Variants in LY96 observed in about 807,000 individuals in gnomAD.
The protein encoded by LY96 is lymphocyte antigen 96.
A neutral mutation model predicts 18.9 loss-of-function variants in LY96; 18 were observed. The observed-to-expected ratio is 0.95, with a 90% CI of 0.66 to 1.41. The LOEUF is 1.41. Among genes scored for constraint, LY96 ranks in the 40% most tolerant of loss-of-function variants. The pLI, the probability that LY96 is intolerant of heterozygous loss-of-function variation, is 0.00. For missense variants in LY96, 175 were observed against 182.4 expected (o/e 0.96, Z 0.23); for synonymous variants, 66 against 62.6 (o/e 1.06, Z -0.26).
chr8:74,002,573 C>CTT (rs750666985), intron 1 of LY96, among the ~76,000 whole-genome samples: 5 of 131,420 alleles, frequency 3.8e-5, no homozygotes, highest in Non-Finnish European at 6.6e-5. Flanking sequence ...TTATTTATTT[C>CTT]TTTTTTTTTT....
the LY96 span, among the ~76,000 whole-genome samples, chr8:74,037,679 T>C: frequency 6.6e-6 from 1 of 152,076 alleles, no homozygotes; most frequent in East Asian, 1.9e-4. Context: ...AAATAATAAC[T>C]CAAATTGCAG....
At chr8:74,085,231 G>A in the LY96 span, among the ~76,000 whole-genome samples, 1 of 152,178 alleles carries the variant, frequency 6.6e-6, no homozygotes, top group Non-Finnish European at 1.5e-5. Context: ...CAAAGCTCAG[G>A]TTGTTTCAAT....
At chr8:74,040,521 G>A in the LY96 span, among the ~76,000 whole-genome samples, 1 of 152,148 alleles carries the variant, frequency 6.6e-6, no homozygotes, top group African/African-American at 2.4e-5. Flanking sequence ...CATAATGAGA[G>A]ATAGAGGTCT....
chr8:74,007,223 C>G (rs924723495), intron 2 of LY96, among the ~76,000 whole-genome samples: 3 of 152,186 alleles, frequency 2.0e-5, no homozygotes, highest in African/African-American at 7.2e-5. Flanking sequence ...AGGGTGGCCT[C>G]TGGCTGAGTG....
the LY96 span, among the ~76,000 whole-genome samples, chr8:74,095,608 C>T: frequency 6.6e-6 from 1 of 152,230 alleles, no homozygotes; most frequent in African/African-American, 2.4e-5. Context: ...GCAGCCGACA[C>T]AGTCGCTCAC....
intron 4 of LY96, among the ~76,000 whole-genome samples, chr8:74,028,160 T>C (rs1018210050): frequency 2.6e-5 from 4 of 152,220 alleles, no homozygotes; most frequent in Admixed American, 2.0e-4. Context: ...CACTCAGTAC[T>C]GAAACAGTTG....
At chr8:74,074,279 C>T in the LY96 span, among the ~76,000 whole-genome samples, 8 of 152,128 alleles carry the variant, frequency 5.3e-5, no homozygotes, top group African/African-American at 1.7e-4. Context: ...GGATTACAGG[C>T]GTGAGCCACT....
the LY96 span, among the ~76,000 whole-genome samples, chr8:74,075,945 G>A: frequency 2.6e-5 from 4 of 152,158 alleles, no homozygotes; most frequent in South Asian, 4.1e-4. Context: ...GGTGCTAGAC[G>A]GAGAAGACCT....
At chr8:74,081,122 TTTCC>T in the LY96 span, among the ~76,000 whole-genome samples, 83 of 124,344 alleles carry the variant, frequency 6.7e-4, no homozygotes, top group South Asian at 1.5e-3. Context: ...TCTTTCTTTC[TTTCC>T]TTCCTTCCTT....
the LY96 span, among the ~76,000 whole-genome samples, chr8:74,038,344 A>AC: frequency 6.6e-6 from 1 of 151,750 alleles, no homozygotes; most frequent in South Asian, 2.1e-4. Context: ...CCTCTGTGCC[A>AC]CCCCCCGTTC....
intron 3 of LY96, among the ~76,000 whole-genome samples, chr8:74,011,695 C>G (rs913009718): frequency 5.3e-5 from 8 of 152,048 alleles, no homozygotes; most frequent in African/African-American, 1.9e-4. Context: ...CCCATCTCTA[C>G]TAAAACTACA....
the LY96 span, among the ~76,000 whole-genome samples, chr8:74,064,654 G>A: frequency 6.6e-6 from 1 of 152,078 alleles, no homozygotes; most frequent in African/African-American, 2.4e-5. Context: ...GCAGATGGTG[G>A]TGCCAGGCTT....
rs1353268088 is a variant in LY96 at position 73,998,295 on chromosome 8, G to A, written c.113-6501G>A. On this transcript the variant is annotated intron_variant, in intron 1 of 4. Coordinates refer to ENST00000284818, the MANE Select transcript of LY96 (RefSeq NM_015364.5). ...TAGGATCTCTGTGCCATAAACTGGG[G>A]CAGAGACAAAATATATGTTTCTTAT... Among the ~76,000 whole-genome samples, 3 of 152,206 alleles carry A rather than the reference G, an allele frequency of 2.0e-5. No homozygotes were observed. The East Asian group carries it at 5.8e-4, about 29-fold the overall frequency.
chr8:74,047,313 G>T, the LY96 span, among the ~76,000 whole-genome samples: 15 of 152,186 alleles, frequency 9.9e-5, no homozygotes, highest in African/African-American at 3.4e-4. Flanking sequence ...CAGTAGCACA[G>T]ACTCCAACAT....
At position 73,999,472 on chromosome 8, in the gene LY96, C is replaced by T. The variant is rs137895068; in HGVS notation, c.113-5324C>T. Reference sequence around the variant, plus strand: ...ACGGGGTTTTGCCATGTTGCCCAGGCGGGTCTTGAATTCCTGGACTCAAGC... The same window carrying T: ...ACGGGGTTTTGCCATGTTGCCCAGGTGGGTCTTGAATTCCTGGACTCAAGC... On this transcript the variant is annotated intron_variant, in intron 1 of 4. Transcript: ENST00000284818. 1.2e-4 allele frequency among the ~76,000 whole-genome samples: 18 copies of T among 152,142 alleles called. No homozygotes were observed. In the East Asian group the frequency reaches 1.4e-3, roughly 11 times the overall value.
the LY96 span, among the ~76,000 whole-genome samples, chr8:74,069,601 T>A: frequency 2.0e-5 from 3 of 152,102 alleles, no homozygotes; most frequent in African/African-American, 7.2e-5. Context: ...TATTTATTTA[T>A]TTTTATTTGT....
chr8:74,014,491 T>G (rs550835556), intron 3 of LY96, among the ~76,000 whole-genome samples: 2 of 151,338 alleles, frequency 1.3e-5, no homozygotes, highest in South Asian at 2.1e-4. Flanking sequence ...CAGGTTTTTT[T>G]TTTTTTTTTT....
chr8:74,039,256 C>T, the LY96 span, among the ~76,000 whole-genome samples: 2 of 151,880 alleles, frequency 1.3e-5, no homozygotes, highest in African/African-American at 2.4e-5. Context: ...TATTTGAGCT[C>T]CTTATATATT....
chr8:74,010,881 A>G (rs1236532783), intron 3 of LY96, among the ~76,000 whole-genome samples: 8 of 141,642 alleles, frequency 5.6e-5, no homozygotes, highest in Non-Finnish European at 1.2e-4. Flanking sequence ...TTCTCTTTGG[A>G]AAAAAAAAAT....
Sources: allele counts gnomAD v4.1 joint callset (sites outside exome capture counted in the v4.1 genomes callset), GRCh38; gene constraint gnomAD v4.1.1; transcripts MANE v1.5; gene names NCBI Gene and HGNC (gene_info 2026-07-23, HGNC 2026-07-21).